The following VDAC1 variants were observed in gnomAD, a reference collection of about 807,000 sequenced individuals.
VDAC1 encodes the protein voltage dependent anion channel 1.
In VDAC1, 10 loss-of-function variants were observed where a neutral mutation model predicts 34.7. That is an observed-to-expected ratio of 0.29 (90% CI 0.18 to 0.49). The LOEUF (loss-of-function observed/expected upper bound fraction) is 0.49, where lower values mean the gene tolerates loss of function less well. Among genes scored for constraint, VDAC1 ranks in the 20% least tolerant of loss-of-function variants. The pLI is 0.99. For synonymous variants in VDAC1, 130 were observed against 136.0 expected (o/e 0.96, Z 0.30); for missense variants, 230 against 347.9 (o/e 0.66, Z 2.69).
the VDAC1 span, among the ~76,000 whole-genome samples, chr5:134,048,642 A>G: frequency 3.4e-3 from 511 of 152,306 alleles, 4 homozygotes; most frequent in African/African-American, 0.011. Context: ...AAACTGGGCC[A>G]TAATGAAACA....
the VDAC1 span, among the ~76,000 whole-genome samples, chr5:134,083,510 C>T: frequency 1.4e-4 from 22 of 152,272 alleles, no homozygotes; most frequent in East Asian, 9.6e-4. Context: ...TTTTAAATGT[C>T]GCATTATCCT....
the VDAC1 span, among the ~76,000 whole-genome samples, chr5:134,044,083 A>G: frequency 1.3e-5 from 2 of 152,196 alleles, no homozygotes; most frequent in Non-Finnish European, 2.9e-5. Flanking sequence ...ACTCCAGAGC[A>G]GGCGATGTTT....
chr5:134,039,833 A>G, the VDAC1 span, among the ~76,000 whole-genome samples: 1 of 152,140 alleles, frequency 6.6e-6, no homozygotes. Context: ...GGGAGCAAAC[A>G]CTAGGCTCTG....
At chr5:134,069,718 T>C in the VDAC1 span, among the ~76,000 whole-genome samples, 4 of 152,246 alleles carry the variant, frequency 2.6e-5, no homozygotes, top group African/African-American at 9.6e-5. Context: ...GATGGATGTG[T>C]CAAAAGTGTT....
chr5:133,975,084 G>A (rs1752425872), intron 7 of VDAC1, among the ~76,000 whole-genome samples: 1 of 152,044 alleles, frequency 6.6e-6, no homozygotes, highest in African/African-American at 2.4e-5. Context: ...CCAGGCAACA[G>A]AGTGAGACAT....
intron 5 of VDAC1, among the ~76,000 whole-genome samples, chr5:133,984,933 CA>C (rs1381626481): frequency 1.3e-5 from 2 of 151,858 alleles, no homozygotes; most frequent in African/African-American, 4.8e-5. Context: ...GAGACTGTCT[CA>C]AAAAAATAAA....
chr5:134,013,834 C>A, the VDAC1 span, among the ~76,000 whole-genome samples: 1 of 151,988 alleles, frequency 6.6e-6, no homozygotes, highest in Non-Finnish European at 1.5e-5. Context: ...CCCAGCTACT[C>A]GGGAGGCTGA....
chr5:134,064,477 G>A, the VDAC1 span, among the ~76,000 whole-genome samples: 1 of 151,692 alleles, frequency 6.6e-6, no homozygotes, highest in Non-Finnish European at 1.5e-5. Context: ...GCTAATTTTT[G>A]TATTTTAGTA....
rs533268515 is a variant in VDAC1, at chr5:133,986,701, T to C, written c.323+4154A>G. On this transcript the variant is annotated intron_variant, in intron 5 of 8. Coordinates refer to ENST00000265333, the MANE Select transcript of VDAC1 (RefSeq NM_003374.3). ...GCGCCAGGCCTACAATCTTAGTTTC[T>C]AAATATCATTCTCCAACATAAAGAA... Among the ~76,000 whole-genome samples, 193 of 152,306 alleles carry C rather than the reference T, an allele frequency of 1.3e-3. 2 individuals are homozygous for C. Among genetic ancestry groups the C allele is most frequent in the Middle Eastern group, 3.4e-3 (1 of 294 alleles).
chr5:134,001,008 G>A (rs1428227159), intron 1 of VDAC1, among the ~76,000 whole-genome samples: 3 of 152,156 alleles, frequency 2.0e-5, no homozygotes, highest in African/African-American at 7.2e-5. Flanking sequence ...CACTGTCCTT[G>A]CAAGAAATAG....
chr5:134,079,134 G>A, the VDAC1 span, among the ~76,000 whole-genome samples: 2 of 152,018 alleles, frequency 1.3e-5, no homozygotes, highest in East Asian at 3.9e-4. Flanking sequence ...ATGCCACCAT[G>A]CCCGGTTAAT....
At chr5:134,055,411 T>C in the VDAC1 span, among the ~76,000 whole-genome samples, 1 of 151,418 alleles carries the variant, frequency 6.6e-6, no homozygotes, top group African/African-American at 2.4e-5. Context: ...AGTGCTTATT[T>C]TGTTTGTTTG....
At chr5:134,014,349 T>C in the VDAC1 span, among the ~76,000 whole-genome samples, 1 of 152,080 alleles carries the variant, frequency 6.6e-6, no homozygotes, top group Non-Finnish European at 1.5e-5. Flanking sequence ...ATGCTCATCA[T>C]CACTAATCAT....
At chr5:134,072,791 C>T in the VDAC1 span, among the ~76,000 whole-genome samples, 1 of 152,186 alleles carries the variant, frequency 6.6e-6, no homozygotes, top group African/African-American at 2.4e-5. Context: ...CCATTGTGAC[C>T]TCCTGCAGTC....
chr5:133,993,348 T>G (rs1753176476), intron 1 of VDAC1, among the ~76,000 whole-genome samples: 1 of 152,210 alleles, frequency 6.6e-6, no homozygotes, highest in South Asian at 2.1e-4. Flanking sequence ...CAAAGACACA[T>G]TCCCATGAGC....
chr5:134,009,408 G>A (rs1466484992), upstream of VDAC1, among the ~76,000 whole-genome samples: 4 of 151,284 alleles, frequency 2.6e-5, no homozygotes, highest in Non-Finnish European at 1.5e-5. Context: ...ACAGGTACAC[G>A]ACACCATGCC....
chr5:134,051,175 A>C, the VDAC1 span, among the ~76,000 whole-genome samples: 1 of 152,224 alleles, frequency 6.6e-6, no homozygotes, highest in East Asian at 1.9e-4. Flanking sequence ...ACAGACAGTG[A>C]GATGGAGAAG....
the VDAC1 span, among the ~76,000 whole-genome samples, chr5:134,068,892 A>G: frequency 1.5e-4 from 23 of 151,854 alleles, no homozygotes; most frequent in Admixed American, 1.5e-3. Context: ...TCAGTGTTTT[A>G]AAAATCTCTA....
At chr5:134,081,039 CTTT>C in the VDAC1 span, among the ~76,000 whole-genome samples, 16,496 of 140,824 alleles carry the variant, frequency 0.12, 1,292 homozygotes, top group African/African-American at 0.23. Context: ...CTATGCCTAA[CTTT>C]TTTTTTTTTT....
Sources: allele counts gnomAD v4.1 joint callset (sites outside exome capture counted in the v4.1 genomes callset), GRCh38; gene constraint gnomAD v4.1.1; transcripts MANE v1.5; gene names NCBI Gene and HGNC (gene_info 2026-07-23, HGNC 2026-07-21).